CLEC10A: variants seen among roughly 807,000 people sequenced by gnomAD.
CLEC10A encodes the protein C-type lectin domain family 10 member A.
In CLEC10A, 38 loss-of-function variants were observed where a neutral mutation model predicts 42.0. That is an observed-to-expected ratio of 0.90 (90% CI 0.70 to 1.18). CLEC10A has a LOEUF of 1.18. CLEC10A is among the 50% of genes most tolerant of loss of function. CLEC10A has a pLI of 0.00. For missense variants in CLEC10A, 298 were observed against 345.9 expected (o/e 0.86, Z 1.10); for synonymous variants, 126 against 139.9 (o/e 0.90, Z 0.70).
Position 7,080,107 on chromosome 17 carries a change from G to A in CLEC10A, c.-129C>T, listed in dbSNP as rs1336156320. On this transcript the variant is annotated 5_prime_UTR_variant, in exon 1 of 9. Transcript: ENST00000416562. ...CGTTGGTTGTGCTGCAAGGACCAGA[G>A]GTGGGACGTCACTCAGAGTTGGGAG... 6.6e-6 allele frequency: 1 copy of A among 152,376 alleles called. No individual in the cohort carries two copies. Among genetic ancestry groups the A allele is most frequent in the Non-Finnish European group, 1.5e-5 (1 of 68,144 alleles). 9.4% of individuals were successfully genotyped at this position (152,376 alleles called of 1,614,324 possible). A position where few individuals can be genotyped will look rare whatever the true frequency, so the allele number is the denominator to read the frequency against.
chr17:7,076,093 A>G, intron 5 of CLEC10A, 22 bp from the exon 6 acceptor site: 3 of 1,614,158 alleles, frequency 1.9e-6, no homozygotes, highest in Non-Finnish European at 2.5e-6. Context: ...ACAGATGGGC[A>G]GTGGGGACAG....
intron 3 of CLEC10A, among the ~76,000 whole-genome samples, chr17:7,077,350 GC>G (rs1567745561): frequency 1.5e-5 from 2 of 129,574 alleles, no homozygotes; most frequent in African/African-American, 2.9e-5. Flanking sequence ...CTCCATCAGT[GC>G]TCCGACCACT....
chr17:7,076,533 C>T (rs536683607), intron 5 of CLEC10A, among the ~76,000 whole-genome samples, 200 bp downstream of exon 5: 21 of 151,812 alleles, frequency 1.4e-4, no homozygotes, highest in Admixed American at 9.8e-4. Flanking sequence ...AGGCTGCTCT[C>T]GAACTCCTGA....
At chr17:7,079,008 CGA>C (rs1912026137) in intron 1 of CLEC10A, 123 bp from the exon 2 acceptor site, 1 of 610,200 alleles carries the variant, frequency 1.6e-6, no homozygotes, top group Admixed American at 2.8e-5. Context: ...GGTTTGCAGT[CGA>C]GTTAGAATTG....
In CLEC10A at chr17:7,075,111, C is replaced by A. The variant is rs770634151; in HGVS notation, c.813G>T (p.Arg271Ser). The A allele has an allele frequency of 1.2e-6, 2 of 1,607,448 alleles. No individual in the cohort carries two copies. The highest frequency in any genetic ancestry group is 1.7e-6 in the Non-Finnish European group (2 of 1,178,252). Residue 271 changes from arginine (R) to serine (S), a missense_variant, in exon 9 of 9, where the codon AGG (arginine) becomes AGT (serine). Around this residue, in one of 3 missense-constraint regions of CLEC10A, gnomAD observed 267 missense variants for 289.5 expected, o/e 0.92. Coordinates refer to ENST00000416562, the MANE Select transcript of CLEC10A (RefSeq NM_001330070.2). ...DGRWNDDVCQ[R>S]PYHWVCEAGL... is the part of the protein sequence containing the mutation. Reference sequence around the variant, plus strand: ...CAGCCTCGCAGACCCAGTGGTAGGGCCTCTGGCAGACGTCGTCATTCCACC... The same window carrying A: ...CAGCCTCGCAGACCCAGTGGTAGGGACTCTGGCAGACGTCGTCATTCCACC...
intron 5 of CLEC10A, 81 bp downstream of exon 5, chr17:7,076,652 G>T: frequency 6.7e-7 from 1 of 1,484,780 alleles, no homozygotes; most frequent in Non-Finnish European, 9.4e-7. Flanking sequence ...GGGGAGGGCA[G>T]TTCAGCACCA....
rs1399454313 is a variant in CLEC10A at position 7,076,738 on chromosome 17, T to C, written c.347A>G (p.Gln116Arg). The change falls in exon 5 of 9, where the codon CAG becomes CGG. Residue 116 changes from glutamine (Q) to arginine (R), a missense_variant. Around this residue, in one of 3 missense-constraint regions of CLEC10A, gnomAD observed 267 missense variants for 289.5 expected, o/e 0.92. Transcript: ENST00000416562. ...AEVEGFKQER[Q>R]AVHSEMLLRV... Reference sequence around the variant, plus strand: ...ATACTCGGAGGGTCTCTCACCTGCCTGCCGTTCCTGCTTGAAACCCTCCAC... The same window carrying C: ...ATACTCGGAGGGTCTCTCACCTGCCCGCCGTTCCTGCTTGAAACCCTCCAC... 2 of 1,613,504 alleles carry C rather than the reference T, an allele frequency of 1.2e-6. No individual in the cohort carries two copies. The highest frequency in any genetic ancestry group is 1.7e-5 in the Admixed American group (1 of 59,924).
chr17:7,079,923 A>C (rs1191230034), intron 1 of CLEC10A, 129 bp downstream of exon 1: 2 of 152,034 alleles, frequency 1.3e-5, no homozygotes, highest in East Asian at 3.9e-4. Context: ...CCACGTAGTA[A>C]TTAAACCCCA....
At chr17:7,076,249 G>T in intron 5 of CLEC10A, 178 bp from the exon 6 acceptor site, 1 of 1,118,810 alleles carries the variant, frequency 8.9e-7, no homozygotes, top group Non-Finnish European at 1.2e-6. Flanking sequence ...GGATTCCTCT[G>T]CCCCTGTTTC....
In CLEC10A at chr17:7,077,983, C is replaced by A. The variant is rs371920696; in HGVS notation, c.184+14G>T. 1 of 1,579,194 alleles carries A rather than the reference C, an allele frequency of 6.3e-7. No individual in the cohort carries two copies. The highest frequency in any genetic ancestry group is 8.7e-7 in the Non-Finnish European group (1 of 1,149,380). On this transcript the variant is annotated intron_variant, in intron 3 of 8. Transcript: ENST00000416562. ...ATTATTTCTCTCTTCCCTGTCCACC[C>A]CTGTGACCCTCACTTTGGAATCCAA...
chr17:7,079,814 T>G (rs1383649658), intron 1 of CLEC10A, among the ~76,000 whole-genome samples: 1 of 152,046 alleles, frequency 6.6e-6, no homozygotes, highest in Non-Finnish European at 1.5e-5. Flanking sequence ...GTTCACAAGA[T>G]TCTCCTGCCT....
At chr17:7,077,637 C>CAT in intron 3 of CLEC10A, among the ~76,000 whole-genome samples, 1 of 127,966 alleles carries the variant, frequency 7.8e-6, no homozygotes, top group African/African-American at 3.0e-5. Context: ...TCAATGCCCC[C>CAT]CACCATTCCC....
At chr17:7,077,071 C>A (rs1303247550) in intron 3 of CLEC10A, 84 bp from the exon 4 acceptor site, 4 of 951,060 alleles carry the variant, frequency 4.2e-6, no homozygotes, top group East Asian at 2.4e-5. Context: ...ATAAGCATTG[C>A]CTTATTGGGT....
At position 7,075,983 on chromosome 17, in the gene CLEC10A, A is replaced by ACCATTGTTGTTGAGAGTAGCCACC. The variant is rs1352855670; in HGVS notation, c.417_439+1dup. 3.1e-6 allele frequency: 5 copies of ACCATTGTTGTTGAGAGTAGCCACC among 1,613,942 alleles called. No homozygotes were observed. The highest frequency in any genetic ancestry group is 4.2e-6 in the Non-Finnish European group (5 of 1,180,002). On this transcript the variant is annotated splice_donor_variant, in intron 6 of 8. Transcript: ENST00000416562. LOFTEE classifies it high-confidence loss of function. ...GCCAGGTACTCCCCATACCTTCCTC[A>ACCATTGTTGTTGAGAGTAGCCACC]CCATTGTTGTTGAGAGTAGCCACCT... is the stretch of plus-strand genomic sequence containing the variant.
chr17:7,078,341 C>T (rs575177745), intron 2 of CLEC10A: 97 of 519,684 alleles, frequency 1.9e-4, no homozygotes, highest in Non-Finnish European at 1.2e-4. Context: ...CACGTGATAG[C>T]GATATGAGGG....
At chr17:7,077,040 C>T in intron 3 of CLEC10A, 53 bp from the exon 4 acceptor site, 1 of 1,251,514 alleles carries the variant, frequency 8.0e-7, no homozygotes, top group East Asian at 2.3e-5. Context: ...TCCTCTGTAC[C>T]AGCACCGAGC....
chr17:7,074,709 A>C lies in CLEC10A; in HGVS notation c.*345T>G. ...AGTGGTTGGACTGCCCAGAGGCATG[A>C]GGGGACTGGTGGGGGCGATGGCAAT... On this transcript the variant is annotated 3_prime_UTR_variant, in exon 9 of 9. Transcript: ENST00000416562. 5.7e-6 allele frequency: 1 copy of C among 174,630 alleles called. No homozygotes were observed. The highest frequency in any genetic ancestry group is 1.2e-5 in the Non-Finnish European group (1 of 83,506). 10.8% of individuals were successfully genotyped at this position (174,630 alleles called of 1,614,324 possible).
chr17:7,077,391 CCACTATTCCCATCA>C (rs1597359710), intron 3 of CLEC10A, among the ~76,000 whole-genome samples: 2 of 137,486 alleles, frequency 1.5e-5, no homozygotes, highest in African/African-American at 2.7e-5. Context: ...TCAGTGCCCC[CCACTATTCCCATCA>C]GTCACCCCAT....
chr17:7,075,128 C>T lies in CLEC10A; in HGVS notation c.796G>A (p.Asp266Asn), dbSNP rs538335075. The change falls in exon 9 of 9, where the codon GAC (aspartate) becomes AAC (asparagine). Residue 266 changes from aspartate (D) to asparagine (N), a missense_variant. Coordinates refer to ENST00000416562, the MANE Select transcript of CLEC10A (RefSeq NM_001330070.2). ...TGGTAGGGCCTCTGGCAGACGTCGT[C>T]ATTCCACCTGCCGTCTGGATGGAAG... ...AHFHPDGRWN[D>N]DVCQRPYHWV... 2.5e-6 allele frequency: 4 copies of T among 1,608,788 alleles called. No individual in the cohort carries two copies. Among genetic ancestry groups the T allele is most frequent in the Non-Finnish European group, 3.4e-6 (4 of 1,178,558 alleles).
Sources: gnomAD v4.1 joint callset for allele counts (sites outside exome capture counted in the v4.1 genomes callset) on GRCh38, gnomAD v4.1.1 for gene constraint, gnomAD v4.1.1 regional missense constraint, MANE v1.5 for transcripts, NCBI Gene and HGNC (gene_info 2026-07-23, HGNC 2026-07-21) for gene names.